FAT3: variants seen among roughly 807,000 people sequenced by gnomAD.
FAT3 encodes FAT atypical cadherin 3.
Under a neutral mutation model 310.2 loss-of-function variants are expected in FAT3, and 95 were observed. That is an observed-to-expected ratio of 0.31 (90% CI 0.26 to 0.36). The LOEUF is 0.36. Ranked by LOEUF, FAT3 falls within the 10% of genes least tolerant of loss-of-function variation. The pLI, the probability that FAT3 is intolerant of heterozygous loss-of-function variation, is 1.00. For missense variants in FAT3, 5,408 were observed against 5,715.6 expected (o/e 0.95, Z 1.74); for synonymous variants, 2,314 against 2,192.9 (o/e 1.06, Z -1.54).
chr11:92,802,007 G>A, intron 10 of FAT3, 98 bp downstream of exon 10: 3 of 1,178,626 alleles, frequency 2.5e-6, no homozygotes, highest in Non-Finnish European at 3.6e-6. Flanking sequence ...GATGGGATAA[G>A]GAGTCCAGTG....
intron 3 of FAT3, among the ~76,000 whole-genome samples, chr11:92,652,005 G>T (rs1436265321): frequency 6.6e-6 from 1 of 152,160 alleles, no homozygotes; most frequent in East Asian, 1.9e-4. Flanking sequence ...TGAAGGTAAA[G>T]GATTCACTTT....
At chr11:92,351,454 T>C (rs934326107) in intron 1 of FAT3, among the ~76,000 whole-genome samples, 1 of 152,200 alleles carries the variant, frequency 6.6e-6, no homozygotes, top group African/African-American at 2.4e-5. Flanking sequence ...TTTTTAAATA[T>C]AAAAATTCAT....
rs531863605 is a variant in FAT3, at chr11:92,874,698, C to T, written c.12128-6033C>T. Among the ~76,000 whole-genome samples the T allele has an allele frequency of 2.2e-3, 328 of 152,304 alleles. 3 individuals are homozygous for T. The highest frequency in any genetic ancestry group is 7.6e-3 in the African/African-American group (314 of 41,564). On this transcript the variant is annotated intron_variant, in intron 22 of 27. Transcript: ENST00000525166. ...GGGATTATAGGCATGCACCACCATG[C>T]CCGGCTAATTTTGTATTTTTAGTAG...
At position 92,524,856 on chromosome 11, in the gene FAT3, C is replaced by G; in HGVS notation, c.3515C>G (p.Ala1172Gly). 6.2e-7 allele frequency: 1 copy of G among 1,613,870 alleles called. No homozygotes were observed. ...PKDVSVIQIQ[A>G]EDPDSSSNEK... ...GACGTATCTGTCATTCAGATCCAGG[C>G]TGAAGATCCTGACTCCAGTTCCAAT... Residue 1172 changes from alanine (A) to glycine (G), a missense_variant, in exon 3 of 28, where the codon GCT (alanine) becomes GGT (glycine). Physicochemically the swap from Ala to Gly is moderately conservative, Grantham distance 60 (BLOSUM62 0). Coordinates refer to ENST00000525166, the MANE Select transcript of FAT3 (RefSeq NM_001367949.2).
At chr11:92,715,104 G>T (rs1045342907) in intron 4 of FAT3, among the ~76,000 whole-genome samples, 53 of 152,006 alleles carry the variant, frequency 3.5e-4, no homozygotes, top group African/African-American at 1.2e-3. Context: ...TAAATGTTCT[G>T]GGAATATTAA....
chr11:92,448,078 C>T (rs563614243), intron 2 of FAT3, among the ~76,000 whole-genome samples: 1 of 152,208 alleles, frequency 6.6e-6, no homozygotes, highest in East Asian at 1.9e-4. Flanking sequence ...TGGCCTCGGA[C>T]AAGTCTTTAT....
intron 14 of FAT3, among the ~76,000 whole-genome samples, chr11:92,833,900 T>G (rs1948331036): frequency 6.6e-6 from 1 of 152,136 alleles, no homozygotes; most frequent in African/African-American, 2.4e-5. Flanking sequence ...CCAGAAAACT[T>G]AATTATGGGG....
chr11:92,435,818 C>T (rs1031355100), intron 2 of FAT3, among the ~76,000 whole-genome samples: 3 of 152,186 alleles, frequency 2.0e-5, no homozygotes, highest in South Asian at 2.1e-4. Flanking sequence ...CCACCTGCCT[C>T]GGCCTCCCAA....
At chr11:92,740,794 A>G (rs567318521) in intron 4 of FAT3, among the ~76,000 whole-genome samples, 1 of 152,244 alleles carries the variant, frequency 6.6e-6, no homozygotes, top group South Asian at 2.1e-4. Flanking sequence ...TTTTATTTAA[A>G]CACTCTTTAC....
At chr11:92,348,197 A>G (rs1445992076) in intron 1 of FAT3, among the ~76,000 whole-genome samples, 1 of 152,136 alleles carries the variant, frequency 6.6e-6, no homozygotes. Flanking sequence ...TTTGTTTTCA[A>G]CAACTGAATT....
rs147348035 is a variant in FAT3 at position 92,287,606 on chromosome 11, T to C, written c.-18+62432T>C. ...AGCAATAATTAGAAAATCCCAAGCC[T>C]TTCAAATCTATTTCATGTTTCTCCT... is the stretch of plus-strand genomic sequence containing the variant. On this transcript the variant is annotated intron_variant, in intron 1 of 27. Transcript: ENST00000525166. Among the ~76,000 whole-genome samples the C allele has an allele frequency of 2.7e-4, 41 of 152,302 alleles. 1 individual carries two copies. The highest frequency in any genetic ancestry group is 9.9e-4 in the African/African-American group (41 of 41,580).
At chr11:92,227,517 G>A (rs1042847665) in intron 1 of FAT3, among the ~76,000 whole-genome samples, 10 of 152,144 alleles carry the variant, frequency 6.6e-5, no homozygotes, top group Non-Finnish European at 1.0e-4. Flanking sequence ...CCACATCTCA[G>A]TATCGATCAA....
At chr11:92,838,766 C>G (rs764843489) in intron 17 of FAT3, among the ~76,000 whole-genome samples, 8 of 152,120 alleles carry the variant, frequency 5.3e-5, no homozygotes, top group Non-Finnish European at 8.8e-5. Context: ...AGAATTTGAG[C>G]CTGACCATCC....
intron 14 of FAT3, among the ~76,000 whole-genome samples, chr11:92,833,306 A>G (rs989256425): frequency 6.6e-6 from 1 of 152,188 alleles, no homozygotes; most frequent in Non-Finnish European, 1.5e-5. Context: ...GCCTTTGCAC[A>G]TAGTTCCCTC....
intron 2 of FAT3, among the ~76,000 whole-genome samples, chr11:92,391,284 A>G (rs1949743897): frequency 6.6e-6 from 1 of 152,138 alleles, no homozygotes; most frequent in Admixed American, 6.6e-5. Flanking sequence ...CAGACCGTCG[A>G]AGACCCAGAT....
At chr11:92,240,403 A>C (rs1590992885) in intron 1 of FAT3, among the ~76,000 whole-genome samples, 1 of 151,990 alleles carries the variant, frequency 6.6e-6, no homozygotes, top group Admixed American at 6.6e-5. Flanking sequence ...CTTGACTTAC[A>C]ATGCTGTTTT....
intron 2 of FAT3, among the ~76,000 whole-genome samples, chr11:92,380,751 A>G (rs1029299860): frequency 6.6e-6 from 1 of 152,204 alleles, no homozygotes; most frequent in African/African-American, 2.4e-5. Flanking sequence ...GTGCTGGAAT[A>G]TAGACTCCCA....
intron 1 of FAT3, among the ~76,000 whole-genome samples, chr11:92,343,839 A>G (rs1948338764): frequency 6.6e-6 from 1 of 152,196 alleles, no homozygotes; most frequent in Non-Finnish European, 1.5e-5. Flanking sequence ...GAAAGTCTTC[A>G]GAATCTTGGG....
rs1164084603 is a variant in FAT3, at chr11:92,834,890, G to A, written c.9892G>A (p.Val3298Ile). Residue 3298 changes from valine (V) to isoleucine (I), a missense_variant, in exon 15 of 28, where the codon GTC (valine) becomes ATC (isoleucine). Physicochemically the swap from Val to Ile is conservative, Grantham distance 29. Around this residue, in one of 5 missense-constraint regions of FAT3, gnomAD observed 4,588 missense variants for 4,809.8 expected, o/e 0.95. Transcript: ENST00000525166. ...PKTGGISVSE[V>I]LDYELCKRFY... ...CAAAGGGGGTATTTCTGTCTCTGAA[G>A]TCCTGGACTATGAATTATGCAAAAG... The A allele has an allele frequency of 4.3e-6, 7 of 1,611,122 alleles. No homozygotes were observed. The highest frequency in any genetic ancestry group is 1.3e-5 in the African/African-American group (1 of 74,896).
Sources: gnomAD v4.1 joint callset for allele counts (sites outside exome capture counted in the v4.1 genomes callset) on GRCh38, gnomAD v4.1.1 for gene constraint, gnomAD v4.1.1 regional missense constraint, MANE v1.5 for transcripts, NCBI Gene and HGNC (gene_info 2026-07-23, HGNC 2026-07-21) for gene names.